The following PRRG4 variants were observed in gnomAD, a reference collection of about 807,000 sequenced individuals.
PRRG4 encodes the protein proline rich and Gla domain 4, also known as transmembrane gamma-carboxyglutamic acid protein 4.
Under a neutral mutation model 20.0 loss-of-function variants are expected in PRRG4, and 12 were observed. The observed-to-expected ratio is 0.60, with a 90% CI of 0.38 to 0.97. The LOEUF is 0.97. Ranked by LOEUF, PRRG4 falls within the 50% of genes least tolerant of loss-of-function variation. The pLI is 0.00. For missense variants in PRRG4, 199 were observed against 265.1 expected, an observed-to-expected ratio of 0.75 and a Z score of 1.73; for synonymous variants, 94 against 96.4, an observed-to-expected ratio of 0.98 and a Z score of 0.15.
Position 32,850,588 on chromosome 11 carries a change from T to C in PRRG4, c.450-2708T>C, listed in dbSNP as rs372076407. ...ACTTGGTTTACTAGACATTCTCTTA[T>C]GTTAGCATTAACTGGTAAATACTTA... On this transcript the variant is annotated intron_variant, in intron 5 of 5. Transcript: ENST00000257836. Among the ~76,000 whole-genome samples the C allele has an allele frequency of 2.0e-5, 3 of 152,342 alleles. No homozygotes were observed. In the South Asian group the frequency reaches 6.2e-4, roughly 32 times the overall value.
chr11:32,844,145 G>A (rs537766380), intron 5 of PRRG4, among the ~76,000 whole-genome samples: 23 of 152,290 alleles, frequency 1.5e-4, no homozygotes, highest in Admixed American at 8.5e-4. Flanking sequence ...TCTGGAGCCA[G>A]ACTGCCTGGA....
intron 2 of PRRG4, among the ~76,000 whole-genome samples, chr11:32,833,055 G>A (rs950043213): frequency 6.6e-6 from 1 of 152,152 alleles, no homozygotes; most frequent in Non-Finnish European, 1.5e-5. Flanking sequence ...GTGTTTCAAG[G>A]GCAGGGAAGT....
chr11:32,853,030 C>T (rs919271356), intron 5 of PRRG4, among the ~76,000 whole-genome samples: 26 of 150,230 alleles, frequency 1.7e-4, no homozygotes, highest in African/African-American at 4.7e-4. Flanking sequence ...CCTCATGATC[C>T]GCCCGCCTCA....
chr11:32,844,427 T>G (rs984860405), intron 5 of PRRG4, among the ~76,000 whole-genome samples: 3 of 151,748 alleles, frequency 2.0e-5, no homozygotes, highest in African/African-American at 7.3e-5. Context: ...CTTAAGAGAG[T>G]GCTTGGTAGC....
chr11:32,842,209 G>A (rs1851085678), intron 5 of PRRG4, among the ~76,000 whole-genome samples: 1 of 152,106 alleles, frequency 6.6e-6, no homozygotes, highest in African/African-American at 2.4e-5. Context: ...TAGGAATTTG[G>A]AGGCAAAAAT....
chr11:32,830,386 G>A, intron 1 of PRRG4, 122 bp from the exon 2 acceptor site: 1 of 932,270 alleles, frequency 1.1e-6, no homozygotes, highest in Non-Finnish European at 1.4e-6. Flanking sequence ...GACCGAAACC[G>A]CGCGCCGGGC....
intron 3 of PRRG4, among the ~76,000 whole-genome samples, chr11:32,837,528 TGATGATGATG>T (rs1565113787): frequency 7.5e-4 from 84 of 112,364 alleles, no homozygotes; most frequent in African/African-American, 2.8e-3. Flanking sequence ...ATGATGATGA[TGATGATGATG>T]ATGATTATTA....
In PRRG4 at chr11:32,856,402, A is replaced by G. The variant is rs2133455380; in HGVS notation, c.*2875A>G. On this transcript the variant is annotated 3_prime_UTR_variant, in exon 6 of 6. Coordinates refer to ENST00000257836, the MANE Select transcript of PRRG4 (RefSeq NM_024081.6). ...GTGGAGATCATGATACTTTAAATAT[A>G]AAAAGGAAAATATGATAGAACTGTT... 6.6e-6 allele frequency: 1 copy of G among 152,354 alleles called. No homozygotes were observed. The highest frequency in any genetic ancestry group is 1.9e-4 in the East Asian group (1 of 5,190). The allele number at this position is 152,354 out of a possible 1,614,324, so 9.4% of individuals were successfully genotyped here.
chr11:32,843,563 G>T (rs1303990593), intron 5 of PRRG4, among the ~76,000 whole-genome samples: 2 of 151,852 alleles, frequency 1.3e-5, no homozygotes, highest in Non-Finnish European at 2.9e-5. Context: ...TCTGCAACTT[G>T]CCTTTGGCAC....
intron 5 of PRRG4, among the ~76,000 whole-genome samples, chr11:32,844,215 A>G (rs1590674232): frequency 6.6e-6 from 1 of 152,194 alleles, no homozygotes; most frequent in African/African-American, 2.4e-5. Context: ...ACTTAAACTT[A>G]TACTCTGCCT....
intron 5 of PRRG4, among the ~76,000 whole-genome samples, chr11:32,842,485 C>T (rs536147360): frequency 1.9e-4 from 29 of 152,242 alleles, no homozygotes; most frequent in African/African-American, 6.5e-4. Flanking sequence ...TTTTGGAAGG[C>T]CAAGCCGGGC....
intron 5 of PRRG4, among the ~76,000 whole-genome samples, chr11:32,844,094 A>G (rs186716376): frequency 1.3e-5 from 2 of 152,304 alleles, no homozygotes; most frequent in Admixed American, 1.3e-4. Flanking sequence ...TATTCTCCCT[A>G]TCCTAGAAAT....
intron 5 of PRRG4, among the ~76,000 whole-genome samples, chr11:32,842,771 C>T (rs1237632274): frequency 6.6e-6 from 1 of 152,036 alleles, no homozygotes; most frequent in Non-Finnish European, 1.5e-5. Flanking sequence ...TACATATATA[C>T]ACATGTAAAT....
At chr11:32,837,811 G>C (rs1202194296) in intron 3 of PRRG4, among the ~76,000 whole-genome samples, 1 of 151,934 alleles carries the variant, frequency 6.6e-6, no homozygotes, top group African/African-American at 2.4e-5. Context: ...ATCTCCATCG[G>C]CCTAACAAAG....
intron 2 of PRRG4, among the ~76,000 whole-genome samples, chr11:32,835,591 C>A (rs948020391): frequency 1.3e-5 from 2 of 152,122 alleles, no homozygotes; most frequent in Admixed American, 1.3e-4. Context: ...TAGTGTTTAC[C>A]ATTTACCTTC....
At chr11:32,849,235 C>T (rs996732663) in intron 5 of PRRG4, among the ~76,000 whole-genome samples, 2 of 152,084 alleles carry the variant, frequency 1.3e-5, no homozygotes, top group South Asian at 4.1e-4. Flanking sequence ...TGGTGCATGC[C>T]TGTAGTCCCA....
At chr11:32,839,068 C>T (rs1271201822) in intron 4 of PRRG4, 138 bp downstream of exon 4, 11 of 613,580 alleles carry the variant, frequency 1.8e-5, no homozygotes, top group Admixed American at 5.6e-5. Flanking sequence ...AACTATGCAC[C>T]GGGCTATCTC....
chr11:32,853,587 C>T lies in PRRG4; in HGVS notation c.*60C>T, dbSNP rs1292052643. ...ATTTGATAGGCCGGGCATGGTGGCT[C>T]ATGCCTGTAATCCCAGCACTTTGGG... On this transcript the variant is annotated 3_prime_UTR_variant, in exon 6 of 6. Coordinates refer to ENST00000257836, the MANE Select transcript of PRRG4 (RefSeq NM_024081.6). 9.6e-6 allele frequency: 13 copies of T among 1,354,260 alleles called. No homozygotes were observed. The East Asian group carries it at 2.3e-4, about 24-fold the overall frequency. 83.9% of individuals were successfully genotyped at this position (1,354,260 alleles called of 1,614,324 possible).
At chr11:32,837,516 T>A (rs539508198) in intron 3 of PRRG4, among the ~76,000 whole-genome samples, 14 of 91,844 alleles carry the variant, frequency 1.5e-4, no homozygotes, top group African/African-American at 5.7e-4. Context: ...GAGATGATGA[T>A]GATGATGATG....
Sources: allele counts gnomAD v4.1 joint callset (sites outside exome capture counted in the v4.1 genomes callset), GRCh38; gene constraint gnomAD v4.1.1; transcripts MANE v1.5; gene names NCBI Gene and HGNC (gene_info 2026-07-23, HGNC 2026-07-21).